Variants in ZNF385B observed in about 807,000 individuals in gnomAD.
ZNF385B encodes the protein zinc finger protein 533.
ZNF385B carries 23 observed loss-of-function variants against 39.2 expected under a neutral mutation model. That is an observed-to-expected ratio of 0.59 (90% CI 0.42 to 0.83). The LOEUF is 0.83. Among genes scored for constraint, ZNF385B ranks in the 40% least tolerant of loss-of-function variants. The pLI is 0.00. For missense variants in ZNF385B, 552 were observed against 598.9 expected (o/e 0.92, Z 0.82); for synonymous variants, 205 against 222.6 (o/e 0.92, Z 0.70).
chr2:179,443,956 A>C (rs997263764), intron 9 of ZNF385B, among the ~76,000 whole-genome samples: 1 of 152,220 alleles, frequency 6.6e-6, no homozygotes, highest in African/African-American at 2.4e-5. Context: ...CAGTCAGTTC[A>C]CACCTCTCTC....
chr2:179,645,875 T>C (rs1382243976), intron 3 of ZNF385B, among the ~76,000 whole-genome samples: 1 of 152,224 alleles, frequency 6.6e-6, no homozygotes, highest in Non-Finnish European at 1.5e-5. Context: ...GTATTTTTTT[T>C]CATGCCCATA....
chr2:179,614,484 A>T (rs1197495391), intron 3 of ZNF385B, among the ~76,000 whole-genome samples: 1 of 152,208 alleles, frequency 6.6e-6, no homozygotes, highest in East Asian at 1.9e-4. Context: ...AGGGTAAATT[A>T]TATTGTCTGA....
At chr2:179,841,811 A>T (rs1003877148) in intron 1 of ZNF385B, among the ~76,000 whole-genome samples, 1 of 152,208 alleles carries the variant, frequency 6.6e-6, no homozygotes, top group African/African-American at 2.4e-5. Context: ...ATTTGAGAAG[A>T]TCCAGGGCAA....
At chr2:179,844,403 TCTC>T (rs1475076805) in intron 1 of ZNF385B, among the ~76,000 whole-genome samples, 1 of 152,172 alleles carries the variant, frequency 6.6e-6, no homozygotes. Context: ...TAAAAAGATT[TCTC>T]AACTTTCTAA....
In ZNF385B at chr2:179,661,119, T is replaced by G. The variant is rs923185808; in HGVS notation, c.298+108384A>C. The stretch of plus-strand genomic sequence containing the variant: ...TTTGGTTAAAGCAAGGTTAAAAAGT[T>G]AAAAATAGGAAAACTGAGGGAAAGA... On this transcript the variant is annotated intron_variant, in intron 3 of 9. Coordinates refer to ENST00000410066, the MANE Select transcript of ZNF385B (RefSeq NM_152520.6). Among the ~76,000 whole-genome samples, 4 of 152,218 alleles carry G rather than the reference T, an allele frequency of 2.6e-5. No individual in the cohort carries two copies. The East Asian group carries it at 7.7e-4, about 29-fold the overall frequency.
At chr2:179,794,804 G>A (rs1398366273) in intron 1 of ZNF385B, among the ~76,000 whole-genome samples, 1 of 152,002 alleles carries the variant, frequency 6.6e-6, no homozygotes, top group Non-Finnish European at 1.5e-5. Flanking sequence ...GATGAGATGG[G>A]GACACCGCTG....
intron 6 of ZNF385B, among the ~76,000 whole-genome samples, chr2:179,471,912 T>A (rs1010654711): frequency 3.3e-5 from 5 of 152,210 alleles, no homozygotes; most frequent in Non-Finnish European, 7.3e-5. Flanking sequence ...TTCTTTTATT[T>A]ACTTTAAAGC....
intron 5 of ZNF385B, among the ~76,000 whole-genome samples, chr2:179,514,602 T>C (rs1224378754): frequency 6.6e-6 from 1 of 152,176 alleles, no homozygotes; most frequent in East Asian, 1.9e-4. Flanking sequence ...GTCAATAGTA[T>C]GCTACCATTT....
At chr2:179,536,843 C>G (rs2059594947) in intron 4 of ZNF385B, among the ~76,000 whole-genome samples, 1 of 152,124 alleles carries the variant, frequency 6.6e-6, no homozygotes, top group East Asian at 1.9e-4. Context: ...ATGCATTATA[C>G]AAACATACAA....
At position 179,644,811 on chromosome 2, in the gene ZNF385B, CA is replaced by C. The variant is rs200532479; in HGVS notation, c.299-99843del. On this transcript the variant is annotated intron_variant, in intron 3 of 9. Transcript: ENST00000410066. ...TCCTTTTTCTTATTTTCCTAAAAAG[CA>C]TCCCTTTGAGCATCTCTCTGACCAC... Among the ~76,000 whole-genome samples, 1,299 of 152,258 alleles carry C rather than the reference CA, an allele frequency of 8.5e-3. 22 individuals carry two copies. The highest frequency in any genetic ancestry group is 0.029 in the African/African-American group (1,217 of 41,558).
chr2:179,709,454 A>G (rs779258426), intron 3 of ZNF385B, among the ~76,000 whole-genome samples: 2 of 152,192 alleles, frequency 1.3e-5, no homozygotes, highest in Non-Finnish European at 2.9e-5. Context: ...GACACATGGA[A>G]GGACATTCCC....
intron 1 of ZNF385B, among the ~76,000 whole-genome samples, chr2:179,799,428 T>G (rs370586044): frequency 1.1e-4 from 16 of 152,078 alleles, no homozygotes; most frequent in African/African-American, 3.9e-4. Flanking sequence ...TCATCTCCTC[T>G]TTAGGCATCT....
chr2:179,583,700 C>A (rs960734434), intron 3 of ZNF385B, among the ~76,000 whole-genome samples: 4 of 152,154 alleles, frequency 2.6e-5, no homozygotes, highest in Non-Finnish European at 4.4e-5. Flanking sequence ...CCTCACTCAG[C>A]AAGTAATACA....
intron 3 of ZNF385B, among the ~76,000 whole-genome samples, chr2:179,611,780 T>C (rs752580126): frequency 1.3e-5 from 2 of 152,210 alleles, no homozygotes; most frequent in Non-Finnish European, 2.9e-5. Context: ...TAGGAATTTA[T>C]TGATTTATTC....
At chr2:179,813,820 A>G (rs1342140941) in intron 1 of ZNF385B, among the ~76,000 whole-genome samples, 1 of 152,216 alleles carries the variant, frequency 6.6e-6, no homozygotes, top group African/African-American at 2.4e-5. Context: ...ATAGCAAACA[A>G]GAGTCATAAA....
intron 3 of ZNF385B, among the ~76,000 whole-genome samples, chr2:179,565,518 T>G (rs1206271386): frequency 6.6e-6 from 1 of 152,194 alleles, no homozygotes; most frequent in Non-Finnish European, 1.5e-5. Flanking sequence ...TTTGTAAGAT[T>G]TATTAAACCA....
intron 5 of ZNF385B, among the ~76,000 whole-genome samples, chr2:179,488,203 G>A (rs560887573): frequency 6.6e-6 from 1 of 152,076 alleles, no homozygotes; most frequent in Admixed American, 6.5e-5. Flanking sequence ...GAGTGCAGTG[G>A]TGCAATCTCA....
intron 9 of ZNF385B, among the ~76,000 whole-genome samples, chr2:179,444,179 AT>A (rs1261588148): frequency 1.3e-5 from 2 of 152,250 alleles, no homozygotes; most frequent in Non-Finnish European, 2.9e-5. Flanking sequence ...TGCTTGCAGC[AT>A]CAGACAGAGG....
At chr2:179,621,532 T>C (rs538816309) in intron 3 of ZNF385B, among the ~76,000 whole-genome samples, 256 of 152,352 alleles carry the variant, frequency 1.7e-3, no homozygotes, top group African/African-American at 5.8e-3. Context: ...ATTTTAAAGA[T>C]CAACATGTCA....
Sources: gnomAD v4.1 joint callset for allele counts (sites outside exome capture counted in the v4.1 genomes callset) on GRCh38, gnomAD v4.1.1 for gene constraint, MANE v1.5 for transcripts, NCBI Gene and HGNC (gene_info 2026-07-23, HGNC 2026-07-21) for gene names.